Variants in UBE3C observed in about 807,000 individuals in gnomAD.
The protein encoded by UBE3C is ubiquitin protein ligase E3C, also known as ubiquitin-protein ligase E3C.
In UBE3C, 42 loss-of-function variants were observed where a neutral mutation model predicts 129.4. The ratio of observed to expected loss-of-function variants is 0.32; its 90% confidence interval spans 0.25 to 0.42. UBE3C has a LOEUF of 0.42. Among genes scored for constraint, UBE3C ranks in the 10% least tolerant of loss-of-function variants. The probability of loss-of-function intolerance (pLI) is 1.00; values close to 1 mark genes in which losing one functional copy is unlikely to be tolerated. For synonymous variants in UBE3C, 510 were observed against 492.4 expected (o/e 1.04, Z -0.47); for missense variants, 1,049 against 1,319.1 (o/e 0.80, Z 3.17).
chr7:157,170,398 T>A lies in UBE3C; in HGVS notation c.290T>A (p.Leu97Ter). 6.4e-7 allele frequency: 1 copy of A among 1,574,114 alleles called. No individual in the cohort carries two copies. Among genetic ancestry groups the A allele is most frequent in the Non-Finnish European group, 8.6e-7 (1 of 1,162,268 alleles). Residue 97 changes from leucine (L) to a stop codon, truncating the protein, a stop_gained, in exon 4 of 23, where the codon TTG becomes TAG. Coordinates refer to ENST00000348165, the MANE Select transcript of UBE3C (RefSeq NM_014671.3). LOFTEE classifies it high-confidence loss of function. ...GCTAATGGCCCCAACCTTACCCTTT[T>A]GGTAAGGCAGCTTCTGTTTTTTTAC... is the stretch of plus-strand genomic sequence containing the variant. Reference protein sequence around the residue: ...PIANGPNLTLLVRQLLFFYKQ... With the variant: ...PIANGPNLTL
At chr7:157,231,985 C>T (rs1043230499) in intron 18 of UBE3C, among the ~76,000 whole-genome samples, 4 of 152,152 alleles carry the variant, frequency 2.6e-5, no homozygotes, top group African/African-American at 7.2e-5. Context: ...GAAGTCCAAA[C>T]TCAGGGTGTC....
intron 18 of UBE3C, among the ~76,000 whole-genome samples, chr7:157,233,898 G>T (rs530762069): frequency 2.5e-4 from 38 of 152,232 alleles, no homozygotes; most frequent in African/African-American, 9.1e-4. Flanking sequence ...CATTCTAGTG[G>T]GTGGGAATTG....
In UBE3C at chr7:157,201,141, T is replaced by C. The variant is rs138418294; in HGVS notation, c.1332-580T>C. 5.5e-3 allele frequency among the ~76,000 whole-genome samples: 843 copies of C among 151,902 alleles called. 61 individuals carry two copies. In the East Asian group the frequency reaches 0.13, roughly 24 times the overall value. ...GAGTTCAAGACCAGCCTGGCCAACG[T>C]TGTGAAACCTCATCTCTACTAAAAA... On this transcript the variant is annotated intron_variant, in intron 10 of 22. Transcript: ENST00000348165.
At chr7:157,259,347 A>C (rs1380160191) in intron 22 of UBE3C, among the ~76,000 whole-genome samples, 1 of 152,102 alleles carries the variant, frequency 6.6e-6, no homozygotes, top group Non-Finnish European at 1.5e-5. Context: ...CCCCATTTTC[A>C]AGGGGTGCAG....
chr7:157,202,343 G>C (rs1260335456), intron 11 of UBE3C, among the ~76,000 whole-genome samples: 1 of 152,146 alleles, frequency 6.6e-6, no homozygotes, highest in Non-Finnish European at 1.5e-5. Context: ...GTACTCTGTT[G>C]TTGAATTTTT....
At chr7:157,196,359 A>T (rs1231043514) in intron 10 of UBE3C, among the ~76,000 whole-genome samples, 3 of 152,244 alleles carry the variant, frequency 2.0e-5, no homozygotes, top group African/African-American at 4.8e-5. Context: ...GAAACTAACC[A>T]GAAGTGATAA....
At chr7:157,213,273 T>C (rs1193933139) in intron 13 of UBE3C, among the ~76,000 whole-genome samples, 1 of 152,266 alleles carries the variant, frequency 6.6e-6, no homozygotes, top group Non-Finnish European at 1.5e-5. Context: ...GTGTTTGCTA[T>C]CTTACTTCAT....
At chr7:157,223,757 A>G (rs1417091506) in intron 16 of UBE3C, among the ~76,000 whole-genome samples, 3 of 152,086 alleles carry the variant, frequency 2.0e-5, no homozygotes, top group Non-Finnish European at 2.9e-5. Context: ...CTGTCTCTAC[A>G]AAGAATACAA....
intron 3 of UBE3C, 84 bp from the exon 4 acceptor site, chr7:157,170,220 A>G (rs1563038134): frequency 8.0e-7 from 1 of 1,242,278 alleles, no homozygotes; most frequent in Non-Finnish European, 1.0e-6. Flanking sequence ...CATTCCTGTA[A>G]ACACAGCAAC....
intron 1 of UBE3C, among the ~76,000 whole-genome samples, chr7:157,140,731 G>A (rs753613651): frequency 6.6e-6 from 1 of 152,128 alleles, no homozygotes; most frequent in Non-Finnish European, 1.5e-5. Context: ...AACACCCCAC[G>A]GGCCACGGAT....
At chr7:157,226,879 C>T (rs1033991863) in intron 17 of UBE3C, among the ~76,000 whole-genome samples, 1 of 152,132 alleles carries the variant, frequency 6.6e-6, no homozygotes, top group Non-Finnish European at 1.5e-5. Context: ...ATTGTGTTTT[C>T]AGAGTATTTG....
chr7:157,226,719 C>CT (rs142300323), intron 17 of UBE3C, among the ~76,000 whole-genome samples: 40,404 of 142,474 alleles, frequency 0.28, 6,694 homozygotes, highest in East Asian at 0.49. Flanking sequence ...CTATTTCAAG[C>CT]TTTTTTTTTT....
chr7:157,238,219 A>G (rs1023465933), intron 18 of UBE3C, among the ~76,000 whole-genome samples: 2 of 152,180 alleles, frequency 1.3e-5, no homozygotes, highest in Admixed American at 1.3e-4. Context: ...GGCGGCAGTA[A>G]GTAGAGTGGT....
chr7:157,261,866 T>G (rs1356993126), intron 22 of UBE3C, among the ~76,000 whole-genome samples: 2 of 152,350 alleles, frequency 1.3e-5, no homozygotes, highest in East Asian at 3.9e-4. Flanking sequence ...TTTTTCTCAC[T>G]CTGAATTAAT....
intron 21 of UBE3C, 116 bp from the exon 22 acceptor site, chr7:157,256,798 A>G: frequency 7.3e-7 from 1 of 1,377,182 alleles, no homozygotes; most frequent in South Asian, 1.4e-5. Context: ...CGTTTTAGAG[A>G]AGGGACTTGA....
chr7:157,180,650 A>G (rs1808643467), intron 6 of UBE3C, among the ~76,000 whole-genome samples: 1 of 152,254 alleles, frequency 6.6e-6, no homozygotes. Flanking sequence ...AAAATGGAGT[A>G]AATGATTCTG....
chr7:157,165,808 A>T (rs911074194), intron 2 of UBE3C, among the ~76,000 whole-genome samples: 2 of 152,188 alleles, frequency 1.3e-5, no homozygotes, highest in African/African-American at 4.8e-5. Context: ...TTTCTTGAAC[A>T]TAATTATAGA....
chr7:157,148,300 G>A (rs1054221155), intron 1 of UBE3C, among the ~76,000 whole-genome samples: 3 of 152,038 alleles, frequency 2.0e-5, no homozygotes, highest in African/African-American at 4.8e-5. Context: ...ATGGGGTTTC[G>A]CCATGTTGTC....
intron 22 of UBE3C, among the ~76,000 whole-genome samples, chr7:157,260,009 T>G (rs930762963): frequency 1.3e-5 from 2 of 152,136 alleles, no homozygotes; most frequent in African/African-American, 4.8e-5. Context: ...ATCGACGCCG[T>G]TATGTTCTGG....
Sources: allele counts gnomAD v4.1 joint callset (sites outside exome capture counted in the v4.1 genomes callset), GRCh38; gene constraint gnomAD v4.1.1; transcripts MANE v1.5; gene names NCBI Gene and HGNC (gene_info 2026-07-23, HGNC 2026-07-21).